Variants in SIN3A observed in about 807,000 individuals in gnomAD.
The protein encoded by SIN3A is paired amphipathic helix protein Sin3a.
A neutral mutation model predicts 146.1 loss-of-function variants in SIN3A; 14 were observed. That is an observed-to-expected ratio of 0.10 (90% CI 0.06 to 0.15). The LOEUF is 0.15. Ranked by LOEUF, SIN3A falls within the 10% of genes least tolerant of loss-of-function variation. The probability of loss-of-function intolerance (pLI) is 1.00; values close to 1 mark genes in which losing one functional copy is unlikely to be tolerated. For missense variants in SIN3A, 1,028 were observed against 1,576.0 expected (o/e 0.65, Z 5.89); for synonymous variants, 572 against 572.0 (o/e 1.00, Z 0.00).
intron 19 of SIN3A, chr15:75,376,297 G>T (rs544298688): frequency 5.6e-4 from 99 of 176,668 alleles, no homozygotes; most frequent in African/African-American, 2.3e-3. Flanking sequence ...CTCTTTAACT[G>T]CTGCAGAAAA....
At chr15:75,379,379 T>C (rs1219112028) in intron 19 of SIN3A, among the ~76,000 whole-genome samples, 1 of 152,170 alleles carries the variant, frequency 6.6e-6, no homozygotes, top group Admixed American at 6.5e-5. Context: ...GACAAATCAT[T>C]AGAAACTGAA....
intron 3 of SIN3A, among the ~76,000 whole-genome samples, chr15:75,417,551 G>T (rs1218114728): frequency 3.3e-5 from 5 of 151,550 alleles, no homozygotes. Flanking sequence ...TAATTTTTTT[G>T]TATTTTTAGT....
chr15:75,392,391 A>G lies in SIN3A; in HGVS notation c.2702T>C (p.Ile901Thr). The G allele has an allele frequency of 6.2e-7, 1 of 1,614,280 alleles. No individual in the cohort carries two copies. The highest frequency in any genetic ancestry group is 2.2e-5 in the East Asian group (1 of 44,888). Reference sequence around the variant, plus strand: ...AATCCGTAGCAGCCTCAGGCAGAGAATCTGGTGCAGTCGCATAAAAATATA... The same window carrying G: ...AATCCGTAGCAGCCTCAGGCAGAGAGTCTGGTGCAGTCGCATAAAAATATA... ...NWYIFMRLHQ[I>T]LCLRLLRICS... Residue 901 changes from isoleucine to threonine, a missense_variant, in exon 15 of 21, where the codon ATT (isoleucine) becomes ACT (threonine). By Grantham distance (89) the Ile-to-Thr change is moderately conservative (BLOSUM62 -1). Around this residue, in one of 9 missense-constraint regions of SIN3A, gnomAD observed 488 missense variants for 690.2 expected, o/e 0.71. Transcript: ENST00000394947.
intron 1 of SIN3A, chr15:75,447,726 A>G (rs2074332438): frequency 6.6e-6 from 1 of 152,190 alleles, no homozygotes; most frequent in African/African-American, 2.4e-5. Flanking sequence ...AATAGCCCAT[A>G]TGTCAGCAAG....
At chr15:75,373,362 GAGA>G (rs1367831488) in intron 20 of SIN3A, among the ~76,000 whole-genome samples, 2 of 152,156 alleles carry the variant, frequency 1.3e-5, no homozygotes, top group Non-Finnish European at 2.9e-5. Flanking sequence ...AGTGCCATGA[GAGA>G]AGTAGAGCAG....
chr15:75,429,848 A>T (rs2073985543), intron 2 of SIN3A, among the ~76,000 whole-genome samples: 1 of 152,242 alleles, frequency 6.6e-6, no homozygotes, highest in Non-Finnish European at 1.5e-5. Flanking sequence ...AAATGTTTCC[A>T]TTTATATAAA....
chr15:75,449,839 G>GGCACCATCTCGGCTCACT (rs2074370939), intron 1 of SIN3A, among the ~76,000 whole-genome samples: 1 of 152,214 alleles, frequency 6.6e-6, no homozygotes. Flanking sequence ...ACAGTGCAAT[G>GGCACCATCTCGGCTCACT]GCACCATCTC....
At chr15:75,451,127 G>A (rs1291134665) in intron 1 of SIN3A, among the ~76,000 whole-genome samples, 2 of 150,400 alleles carry the variant, frequency 1.3e-5, no homozygotes, top group East Asian at 2.0e-4. Context: ...CACTCAGCGC[G>A]AAGCCGGCCC....
At chr15:75,434,840 C>T (rs562081947) in intron 1 of SIN3A, among the ~76,000 whole-genome samples, 1 of 151,084 alleles carries the variant, frequency 6.6e-6, no homozygotes, top group South Asian at 2.1e-4. Context: ...CCCAGCTACT[C>T]GAGAGGCTGA....
chr15:75,442,524 T>C (rs185162549), intron 1 of SIN3A, among the ~76,000 whole-genome samples: 1 of 149,844 alleles, frequency 6.7e-6, no homozygotes, highest in Non-Finnish European at 1.5e-5. Context: ...ATGCCTATAG[T>C]GCCAGTTACT....
chr15:75,399,925 T>A (rs1425656099), intron 12 of SIN3A, 115 bp downstream of exon 12: 2 of 691,636 alleles, frequency 2.9e-6, no homozygotes, highest in Non-Finnish European at 5.2e-6. Flanking sequence ...GCACTTACCA[T>A]AGAAGAATGT....
chr15:75,380,378 T>A (rs543785222), intron 19 of SIN3A, among the ~76,000 whole-genome samples: 4 of 152,318 alleles, frequency 2.6e-5, no homozygotes, highest in Admixed American at 2.6e-4. Flanking sequence ...CCATGGAGAC[T>A]CTGACACACA....
Position 75,384,336 on chromosome 15 carries a change from G to A in SIN3A, c.3123C>T (p.Asn1041=). The A allele has an allele frequency of 6.2e-7, 1 of 1,613,736 alleles. No individual in the cohort carries two copies. The highest frequency in any genetic ancestry group is 8.5e-7 in the Non-Finnish European group (1 of 1,179,734). ...ACGTTGACTCCAGGAGGCTCCTTGA[G>A]TTCTGTGTGTTCAGCTGGCCTCCGG... ...GATGGQLNTQ[N]SRSLLESTYQ... The change falls in exon 17 of 21, where the codon AAC becomes AAT. Residue 1041 remains asparagine, a synonymous_variant. Coordinates refer to ENST00000394947, the MANE Select transcript of SIN3A (RefSeq NM_001145358.2).
At chr15:75,442,467 C>A (rs2074233548) in intron 1 of SIN3A, among the ~76,000 whole-genome samples, 1 of 151,520 alleles carries the variant, frequency 6.6e-6, no homozygotes, top group South Asian at 2.1e-4. Context: ...GCCACTGCAC[C>A]CAGCCCAGTT....
rs1252173257 is a variant in SIN3A, at chr15:75,430,997, C to T, written c.-33-589G>A. On this transcript the variant is annotated intron_variant, in intron 1 of 20. Transcript: ENST00000394947. ...TTCACCGAGTTACCCAGGATGGTCTCGATCTCCTGACCTTGTGATCCATCC... is the reference window on the plus strand; with the variant it reads ...TTCACCGAGTTACCCAGGATGGTCTTGATCTCCTGACCTTGTGATCCATCC... Among the ~76,000 whole-genome samples, 2 of 152,080 alleles carry T rather than the reference C, an allele frequency of 1.3e-5. 1 individual carries two copies. Among genetic ancestry groups the T allele is most frequent in the African/African-American group, 4.8e-5 (2 of 41,426 alleles).
At chr15:75,372,311 G>A (rs2072767278) in intron 20 of SIN3A, 102 bp from the exon 21 acceptor site, 2 of 663,420 alleles carry the variant, frequency 3.0e-6, no homozygotes, top group Admixed American at 3.2e-5. Context: ...AAGGAAAGAT[G>A]TGGGCTCAAG....
intron 2 of SIN3A, among the ~76,000 whole-genome samples, chr15:75,425,451 A>C (rs2073909198): frequency 6.6e-6 from 1 of 152,210 alleles, no homozygotes; most frequent in Non-Finnish European, 1.5e-5. Context: ...TACAGGTGTG[A>C]GCCACCGCGC....
chr15:75,446,620 T>G (rs2074311829), intron 1 of SIN3A, among the ~76,000 whole-genome samples: 1 of 151,206 alleles, frequency 6.6e-6, no homozygotes, highest in African/African-American at 2.4e-5. Flanking sequence ...GCCTCTCAAG[T>G]AACTGGGACT....
At chr15:75,423,346 A>T (rs1222876058) in intron 2 of SIN3A, among the ~76,000 whole-genome samples, 2 of 152,218 alleles carry the variant, frequency 1.3e-5, no homozygotes, top group African/African-American at 4.8e-5. Context: ...TAAATAAATT[A>T]CAGCCCACCA....
Sources: gnomAD v4.1 joint callset for allele counts (sites outside exome capture counted in the v4.1 genomes callset) on GRCh38, gnomAD v4.1.1 for gene constraint, gnomAD v4.1.1 regional missense constraint, MANE v1.5 for transcripts, NCBI Gene and HGNC (gene_info 2026-07-23, HGNC 2026-07-21) for gene names.